PCDHGB1: variants seen among roughly 807,000 people sequenced by gnomAD.
PCDHGB1 encodes the protein protocadherin gamma-B1.
PCDHGB1 carries 34 observed loss-of-function variants against 56.6 expected under a neutral mutation model. The observed-to-expected ratio is 0.60, with a 90% confidence interval of 0.46 to 0.80. The LOEUF (loss-of-function observed/expected upper bound fraction) is 0.80, where lower values mean the gene tolerates loss of function less well. PCDHGB1 is among the 30% of genes least tolerant of loss of function. The probability of loss-of-function intolerance (pLI) is 0.00; values close to 1 mark genes in which losing one functional copy is unlikely to be tolerated. For synonymous variants in PCDHGB1, 561 were observed against 505.9 expected, an observed-to-expected ratio of 1.11 and a Z score of -1.46; for missense variants, 1,278 against 1,204.6, an observed-to-expected ratio of 1.06 and a Z score of -0.90.
At chr5:141,399,593 C>T in intron 1 of PCDHGB1, 1 of 1,613,988 alleles carries the variant, frequency 6.2e-7, no homozygotes, top group Non-Finnish European at 8.5e-7. Flanking sequence ...TCTATCATGG[C>T]CAGCGACCTA....
In PCDHGB1 at chr5:141,491,638, G is replaced by A. The variant is rs2099723160; in HGVS notation, c.2410-3169G>A. The A allele has an allele frequency of 6.2e-7, 1 of 1,613,898 alleles. No individual in the cohort carries two copies. The highest frequency in any genetic ancestry group is 1.3e-5 in the African/African-American group (1 of 75,074). ...ACCCCTCAGCGTTCAGCAGCCCACA[G>A]CTCTGGCGCTGGAGCCTGACGCCAT... On this transcript the variant is annotated intron_variant, in intron 1 of 3. Coordinates refer to ENST00000523390, the MANE Select transcript of PCDHGB1 (RefSeq NM_018922.3). The surrounding 1 kb of genome is among the most constrained non-coding windows in gnomAD (Gnocchi z 6.9).
chr5:141,351,234 C>T lies in PCDHGB1; in HGVS notation c.974C>T (p.Ala325Val), dbSNP rs373708937. The T allele has an allele frequency of 8.4e-5, 136 of 1,613,888 alleles. No individual in the cohort carries two copies. Among genetic ancestry groups the T allele is most frequent in the South Asian group, 1.6e-4 (15 of 91,088 alleles). The change falls in exon 1 of 4, where the codon GCT becomes GTT. Residue 325 changes from alanine to valine, a missense_variant. Coordinates refer to ENST00000523390, the MANE Select transcript of PCDHGB1 (RefSeq NM_018922.3). Reference sequence around the variant, plus strand: ...GCTAAGGATGGAGGAGTACACACAGCTCACTGTAATGTTCAAATAGAAATT... The same window carrying T: ...GCTAAGGATGGAGGAGTACACACAGTTCACTGTAATGTTCAAATAGAAATT... ...VEAKDGGVHT[A>V]HCNVQIEIVD...
chr5:141,404,333 C>A, intron 1 of PCDHGB1: 3 of 1,613,854 alleles, frequency 1.9e-6, no homozygotes, highest in South Asian at 1.1e-5. Flanking sequence ...CTCAGTCTAC[C>A]TCCCGGAAAA....
chr5:141,474,208 A>C (rs1243312558), intron 1 of PCDHGB1, among the ~76,000 whole-genome samples: 1 of 152,242 alleles, frequency 6.6e-6, no homozygotes, highest in Non-Finnish European at 1.5e-5. Context: ...TGATTTTCAA[A>C]AACCAGATTG....
At chr5:141,365,022 C>G in intron 1 of PCDHGB1, 1 of 1,613,864 alleles carries the variant, frequency 6.2e-7, no homozygotes. Context: ...ATCCGTGTTA[C>G]GGTCCTCGAC....
intron 1 of PCDHGB1, chr5:141,404,577 T>C (rs2094542300): frequency 6.2e-7 from 1 of 1,613,954 alleles, no homozygotes; most frequent in South Asian, 1.1e-5. Context: ...AGCCCACCAC[T>C]TAGCAGCAAT....
rs139867523 is a variant in PCDHGB1, at chr5:141,474,274, G to A, written c.2410-20533G>A. 1.2e-4 allele frequency among the ~76,000 whole-genome samples: 19 copies of A among 152,278 alleles called. No homozygotes were observed. In the East Asian group the frequency reaches 3.3e-3, roughly 26 times the overall value. On this transcript the variant is annotated intron_variant, in intron 1 of 3. Coordinates refer to ENST00000523390, the MANE Select transcript of PCDHGB1 (RefSeq NM_018922.3). ...AAGACTGATAAACCAGTGTATCTCT[G>A]AATAACCCACTAGATCAGTGCTTGT...
intron 1 of PCDHGB1, chr5:141,388,306 A>G (rs1315280677): frequency 6.2e-7 from 1 of 1,613,826 alleles, no homozygotes; most frequent in South Asian, 1.1e-5. Flanking sequence ...TTTGAGCTGC[A>G]AATAAGTGAG....
intron 1 of PCDHGB1, chr5:141,365,409 G>A (rs1588612926): frequency 1.2e-6 from 2 of 1,613,994 alleles, no homozygotes; most frequent in Non-Finnish European, 1.7e-6. Flanking sequence ...TCTGAAGACT[G>A]TCTTCCCGGA....
chr5:141,356,961 G>A, intron 1 of PCDHGB1: 1 of 1,614,234 alleles, frequency 6.2e-7, no homozygotes, highest in South Asian at 1.1e-5. Flanking sequence ...CCGGCTACCT[G>A]GTGACCAAAG....
intron 1 of PCDHGB1, chr5:141,374,742 C>A (rs1382250910): frequency 1.2e-6 from 2 of 1,611,728 alleles, no homozygotes; most frequent in African/African-American, 1.3e-5. Flanking sequence ...GGCGGCGACC[C>A]TGTCCGCTCA....
rs772195653 is a variant in PCDHGB1 at position 141,477,704 on chromosome 5, C to A, written c.2410-17103C>A. On this transcript the variant is annotated intron_variant, in intron 1 of 3. Transcript: ENST00000523390. The surrounding 1 kb of genome is among the most constrained non-coding windows in gnomAD (Gnocchi z 4.9). ...CTTAGTGCCCCTAGACTATGAGGAT[C>A]GGCGGGAATTTGAATTAACAGCTCA... The A allele has an allele frequency of 5.0e-6, 8 of 1,613,850 alleles. No individual in the cohort carries two copies. Among genetic ancestry groups the A allele is most frequent in the Non-Finnish European group, 5.9e-6 (7 of 1,180,046 alleles).
At chr5:141,371,214 A>G in intron 1 of PCDHGB1, 1 of 1,614,052 alleles carries the variant, frequency 6.2e-7, no homozygotes, top group Non-Finnish European at 8.5e-7. Context: ...TGAGGGCATC[A>G]ATGCCGAAAT....
At chr5:141,430,846 C>A in intron 1 of PCDHGB1, 1 of 1,576,344 alleles carries the variant, frequency 6.3e-7, no homozygotes, top group South Asian at 1.2e-5. Context: ...CCGGATGCAC[C>A]CAGATACGCT....
chr5:141,449,943 C>G (rs1561937416), intron 1 of PCDHGB1, among the ~76,000 whole-genome samples: 1 of 151,186 alleles, frequency 6.6e-6, no homozygotes, highest in African/African-American at 2.4e-5. Flanking sequence ...GTATATTTTA[C>G]TATACCTCAT....
At chr5:141,440,106 T>A (rs1288263875) in intron 1 of PCDHGB1, 1 of 152,228 alleles carries the variant, frequency 6.6e-6, no homozygotes, top group East Asian at 1.9e-4. Flanking sequence ...AGTGGAGACT[T>A]ACTTGTGAAT....
chr5:141,375,719 G>A (rs1478749716), intron 1 of PCDHGB1: 2 of 1,614,142 alleles, frequency 1.2e-6, no homozygotes, highest in South Asian at 2.2e-5. Flanking sequence ...TAGCAGCAAC[G>A]TGTCACTGAG....
At chr5:141,419,826 C>T in intron 1 of PCDHGB1, 1 of 1,614,066 alleles carries the variant, frequency 6.2e-7, no homozygotes, top group Non-Finnish European at 8.5e-7. Flanking sequence ...CCCCTTTCAG[C>T]CACTGCCACG....
At position 141,487,636 on chromosome 5, in the gene PCDHGB1, A is replaced by G. The variant is rs780468230; in HGVS notation, c.2410-7171A>G. 3 of 1,614,192 alleles carry G rather than the reference A, an allele frequency of 1.9e-6. No homozygotes were observed. Among genetic ancestry groups the G allele is most frequent in the Non-Finnish European group, 1.7e-6 (2 of 1,180,030 alleles). Reference sequence around the variant, plus strand: ...TAGAGGTGAGACCTTTGCAGGCTCAACAAATGCTTGAGGGTTATTCTGATC... The same window carrying G: ...TAGAGGTGAGACCTTTGCAGGCTCAGCAAATGCTTGAGGGTTATTCTGATC... On this transcript the variant is annotated intron_variant, in intron 1 of 3. Transcript: ENST00000523390. This position sits in a 1 kb window ranked among gnomAD's most constrained non-coding sequence, Gnocchi z 5.0.
Sources: allele counts gnomAD v4.1 joint callset (sites outside exome capture counted in the v4.1 genomes callset), GRCh38; gene constraint gnomAD v4.1.1; non-coding constraint Gnocchi (gnomAD v3.1); transcripts MANE v1.5; gene names NCBI Gene and HGNC (gene_info 2026-07-23, HGNC 2026-07-21).